The following ADPRH variants were observed in gnomAD, a reference collection of about 807,000 sequenced individuals.
ADPRH encodes the protein ADP-ribose-L-arginine cleaving enzyme.
In ADPRH, 27 loss-of-function variants were observed where a neutral mutation model predicts 28.8. That is an observed-to-expected ratio of 0.94 (90% CI 0.69 to 1.29). The LOEUF is 1.29. ADPRH is among the 50% of genes most tolerant of loss of function. ADPRH has a pLI of 0.00. For missense variants in ADPRH, 419 were observed against 444.8 expected (o/e 0.94, Z 0.52); for synonymous variants, 161 against 166.9 (o/e 0.96, Z 0.27).
At chr3:119,582,101 T>C in intron 2 of ADPRH, 33 bp from the exon 3 acceptor site, 1 of 679,894 alleles carries the variant, frequency 1.5e-6, no homozygotes, top group Non-Finnish European at 2.4e-6. Flanking sequence ...TTGCTCCTCA[T>C]CCTATTTCCT....
chr3:119,588,089 C>A lies in ADPRH; in HGVS notation c.*211C>A. 1 of 440,892 alleles carries A rather than the reference C, an allele frequency of 2.3e-6. No individual in the cohort carries two copies. Among genetic ancestry groups the A allele is most frequent in the South Asian group, 7.8e-5 (1 of 12,768 alleles). The allele number at this position is 440,892 out of a possible 1,614,324, so 27.3% of individuals were successfully genotyped here. Reference sequence around the variant, plus strand: ...TTTCTTACACTGAAGAGTCCTTTAGCTCAATTGATAGGGTCAGCGTCTCGC... The same window carrying A: ...TTTCTTACACTGAAGAGTCCTTTAGATCAATTGATAGGGTCAGCGTCTCGC... On this transcript the variant is annotated 3_prime_UTR_variant, in exon 5 of 5. Transcript: ENST00000357003.
chr3:119,587,511 T>G lies in ADPRH; in HGVS notation c.707T>G (p.Ile236Ser), dbSNP rs760484709. The G allele has an allele frequency of 1.8e-5, 29 of 1,590,034 alleles. No individual in the cohort carries two copies. The highest frequency in any genetic ancestry group is 2.4e-5 in the Non-Finnish European group (28 of 1,166,922). The change falls in exon 5 of 5, where the codon ATT (isoleucine) becomes AGT (serine). Residue 236 changes from isoleucine (I) to serine (S), a missense_variant. By Grantham distance (142) the Ile-to-Ser change is moderately radical (BLOSUM62 -2). Coordinates refer to ENST00000357003, the MANE Select transcript of ADPRH (RefSeq NM_001125.4). Reference protein sequence around the residue: ...KWENYLKLRGILDGESAPTFP... With the variant: ...KWENYLKLRGSLDGESAPTFP... ...GAAAATTACCTAAAACTTAGAGGGA[T>G]TTTGGATGGAGAATCAGCCCCTACC...
chr3:119,588,177 G>A lies in ADPRH; in HGVS notation c.*299G>A. On this transcript the variant is annotated 3_prime_UTR_variant, in exon 5 of 5. Coordinates refer to ENST00000357003, the MANE Select transcript of ADPRH (RefSeq NM_001125.4). ...TTTTCATCATCTACTTGTTCTAAAA[G>A]TTTTTTCTGTTTGTCTCAAGTTGGG... 1 of 231,026 alleles carries A rather than the reference G, an allele frequency of 4.3e-6. No homozygotes were observed. Among genetic ancestry groups the A allele is most frequent in the Non-Finnish European group, 8.3e-6 (1 of 120,870 alleles). The allele number at this position is 231,026 out of a possible 1,614,324, so 14.3% of individuals were successfully genotyped here.
chr3:119,587,773 G>A lies in ADPRH; in HGVS notation c.969G>A (p.Val323=). 6.2e-7 allele frequency: 1 copy of A among 1,614,194 alleles called. No individual in the cohort carries two copies. Among genetic ancestry groups the A allele is most frequent in the Non-Finnish European group, 8.5e-7 (1 of 1,180,020 alleles). ...WWGVMYGFKG[V]SPSNYEKLEY... ...GAGTTATGTATGGTTTTAAAGGAGTGAGTCCCTCCAACTATGAGAAACTAG... is the reference window on the plus strand; with the variant it reads ...GAGTTATGTATGGTTTTAAAGGAGTAAGTCCCTCCAACTATGAGAAACTAG... Residue 323 remains valine (V), a synonymous_variant, in exon 5 of 5, where the codon GTG becomes GTA. Transcript: ENST00000357003.
chr3:119,586,102 G>A lies in ADPRH; in HGVS notation c.299-183G>A, dbSNP rs529822471. On this transcript the variant is annotated intron_variant, in intron 3 of 4. Coordinates refer to ENST00000357003, the MANE Select transcript of ADPRH (RefSeq NM_001125.4). ...GCCTTTATTAGCGTTATCTTGCCAA[G>A]GGTTATACATAAAGAAAGGCACATT... 1.3e-3 allele frequency among the ~76,000 whole-genome samples: 198 copies of A among 152,344 alleles called. 1 individual carries two copies. Among genetic ancestry groups the A allele is most frequent in the African/African-American group, 4.5e-3 (189 of 41,578 alleles).
chr3:119,587,530 C>A lies in ADPRH; in HGVS notation c.726C>A (p.Ala242=), dbSNP rs373912285. Residue 242 remains alanine, a synonymous_variant, in exon 5 of 5, where the codon GCC becomes GCA. Coordinates refer to ENST00000357003, the MANE Select transcript of ADPRH (RefSeq NM_001125.4). ...GAGGGATTTTGGATGGAGAATCAGC[C>A]CCTACCTTCCCTGAGTCTTTCGGTG... ...KLRGILDGES[A]PTFPESFGVK... is the part of the protein sequence containing the mutation. 6 of 1,605,746 alleles carry A rather than the reference C, an allele frequency of 3.7e-6. No individual in the cohort carries two copies. In the African/African-American group the frequency reaches 6.7e-5, roughly 18 times the overall value.
chr3:119,587,524 A>G lies in ADPRH; in HGVS notation c.720A>G (p.Glu240=), dbSNP rs764381301. The change falls in exon 5 of 5, where the codon GAA becomes GAG. Residue 240 remains glutamate, a synonymous_variant. Transcript: ENST00000357003. ...YLKLRGILDG[E]SAPTFPESFG... Reference sequence around the variant, plus strand: ...AACTTAGAGGGATTTTGGATGGAGAATCAGCCCCTACCTTCCCTGAGTCTT... The same window carrying G: ...AACTTAGAGGGATTTTGGATGGAGAGTCAGCCCCTACCTTCCCTGAGTCTT... 1 of 1,599,460 alleles carries G rather than the reference A, an allele frequency of 6.3e-7. No homozygotes were observed. The highest frequency in any genetic ancestry group is 2.2e-5 in the East Asian group (1 of 44,578).
rs1162822952 is a variant in ADPRH at position 119,586,591 on chromosome 3, C to T, written c.605C>T (p.Ala202Val). 3 of 1,613,976 alleles carry T rather than the reference C, an allele frequency of 1.9e-6. No individual in the cohort carries two copies. Among genetic ancestry groups the T allele is most frequent in the Admixed American group, 3.3e-5 (2 of 59,970 alleles). Residue 202 changes from alanine to valine, a missense_variant, in exon 4 of 5, where the codon GCT becomes GTT. Transcript: ENST00000357003. ...GGACTGATGGAGCTGCTACCAGAAG[C>T]TAAAAAGTACATTGTCCAATCAGGC... ...GKGLMELLPE[A>V]KKYIVQSGYF...
chr3:119,582,852 G>A (rs1426071815), intron 3 of ADPRH, among the ~76,000 whole-genome samples: 7 of 152,204 alleles, frequency 4.6e-5, no homozygotes, highest in South Asian at 2.1e-4. Context: ...GATCAGTGGC[G>A]CATTAGATTC....
In ADPRH at chr3:119,586,653, T is replaced by C; in HGVS notation, c.659+8T>C. ...GGAAAATCTTCAACACTGGTGAGTC[T>C]GTAAGCGCACGCCCTGCTCAAACAC... On this transcript the variant is annotated splice_region_variant and intron_variant, in intron 4 of 4. Coordinates refer to ENST00000357003, the MANE Select transcript of ADPRH (RefSeq NM_001125.4). The C allele has an allele frequency of 6.2e-7, 1 of 1,612,410 alleles. No individual in the cohort carries two copies. Among genetic ancestry groups the C allele is most frequent in the South Asian group, 1.1e-5 (1 of 90,896 alleles).
chr3:119,582,165 G>T lies in ADPRH; in HGVS notation c.-5G>T. ...TCTCCAGAGCCCAGCAATTGTGAGGGACTGATGGAGAAGTATGTGGCTGCT... is the reference window on the plus strand; with the variant it reads ...TCTCCAGAGCCCAGCAATTGTGAGGTACTGATGGAGAAGTATGTGGCTGCT... On this transcript the variant is annotated 5_prime_UTR_variant, in exon 3 of 5. Coordinates refer to ENST00000357003, the MANE Select transcript of ADPRH (RefSeq NM_001125.4). 1 of 1,594,250 alleles carries T rather than the reference G, an allele frequency of 6.3e-7. No homozygotes were observed. The highest frequency in any genetic ancestry group is 8.6e-7 in the Non-Finnish European group (1 of 1,166,216).
intron 3 of ADPRH, among the ~76,000 whole-genome samples, chr3:119,583,687 G>T (rs1465371389): frequency 6.6e-6 from 1 of 152,104 alleles, no homozygotes; most frequent in Non-Finnish European, 1.5e-5. Context: ...CAAGGTGAGA[G>T]GATTGCTTGA....
chr3:119,587,277 T>A (rs2082470694), intron 4 of ADPRH, among the ~76,000 whole-genome samples, 187 bp from the exon 5 acceptor site: 1 of 152,256 alleles, frequency 6.6e-6, no homozygotes, highest in Non-Finnish European at 1.5e-5. Flanking sequence ...TAGATCCTTA[T>A]GAAAAATGTA....
rs1457302301 is a variant in ADPRH, at chr3:119,587,539, C to T, written c.735C>T (p.Phe245=). The part of the protein sequence containing the change: ...GILDGESAPT[F]PESFGVKERD... ...TGGATGGAGAATCAGCCCCTACCTT[C>T]CCTGAGTCTTTCGGTGTGAAGGAGA... Residue 245 remains phenylalanine (F), a synonymous_variant, in exon 5 of 5, where the codon TTC becomes TTT. Transcript: ENST00000357003. 2 of 1,610,416 alleles carry T rather than the reference C, an allele frequency of 1.2e-6. No homozygotes were observed. The highest frequency in any genetic ancestry group is 2.2e-5 in the East Asian group (1 of 44,802).
rs781714161 is a variant in ADPRH, at chr3:119,587,446, A to G, written c.660-18A>G. 1 of 1,486,560 alleles carries G rather than the reference A, an allele frequency of 6.7e-7. No homozygotes were observed. The highest frequency in any genetic ancestry group is 8.9e-7 in the Non-Finnish European group (1 of 1,117,868). The allele number at this position is 1,486,560 out of a possible 1,614,324, so 92.1% of individuals were successfully genotyped here. ...CTTTATTTTTTTCAATTGACTCTAGATTTTTTCCTTTCTACAGGTCCTACT... is the reference window on the plus strand; with the variant it reads ...CTTTATTTTTTTCAATTGACTCTAGGTTTTTTCCTTTCTACAGGTCCTACT... On this transcript the variant is annotated intron_variant, in intron 4 of 4. Transcript: ENST00000357003.
intron 2 of ADPRH, among the ~76,000 whole-genome samples, chr3:119,580,864 G>A (rs909799578): frequency 2.6e-5 from 4 of 152,082 alleles, no homozygotes; most frequent in African/African-American, 9.7e-5. Context: ...TTCATGGTGG[G>A]TATATTATTA....
Position 119,586,562 on chromosome 3 carries a change from A to T in ADPRH, c.576A>T (p.Gly192=). The change falls in exon 4 of 5, where the codon GGA becomes GGT. Residue 192 remains glycine, a synonymous_variant. Transcript: ENST00000357003. ...AVNSRPPLQW[G]KGLMELLPEA... is the part of the protein sequence containing the mutation. Reference sequence around the variant, plus strand: ...ATAGCAGACCACCCTTGCAGTGGGGAAAAGGACTGATGGAGCTGCTACCAG... The same window carrying T: ...ATAGCAGACCACCCTTGCAGTGGGGTAAAGGACTGATGGAGCTGCTACCAG... The T allele has an allele frequency of 6.2e-7, 1 of 1,613,918 alleles. No homozygotes were observed. Among genetic ancestry groups the T allele is most frequent in the African/African-American group, 1.3e-5 (1 of 75,032 alleles).
At position 119,587,811 on chromosome 3, in the gene ADPRH, G is replaced by A. The variant is rs528878906; in HGVS notation, c.1007G>A (p.Arg336Gln). The change falls in exon 5 of 5, where the codon CGG becomes CAG. Residue 336 changes from arginine (R) to glutamine (Q), a missense_variant. Coordinates refer to ENST00000357003, the MANE Select transcript of ADPRH (RefSeq NM_001125.4). ...SNYEKLEYRN[R>Q]LEETARALYS... is the part of the protein sequence containing the mutation. ...TATGAGAAACTAGAATACAGAAACC[G>A]GCTGGAAGAGACAGCTAGGGCTTTA... 1.8e-5 allele frequency: 29 copies of A among 1,614,014 alleles called. No homozygotes were observed. Among genetic ancestry groups the A allele is most frequent in the Admixed American group, 1.2e-4 (7 of 60,006 alleles).
In ADPRH at chr3:119,587,736, G is replaced by A; in HGVS notation, c.932G>A (p.Gly311Asp). The change falls in exon 5 of 5, where the codon GGC (glycine) becomes GAC (aspartate). Residue 311 changes from glycine to aspartate, a missense_variant. Coordinates refer to ENST00000357003, the MANE Select transcript of ADPRH (RefSeq NM_001125.4). ...GDSDSTAAIA[G>D]CWWGVMYGFK... Reference sequence around the variant, plus strand: ...AGTGATTCTACAGCTGCCATTGCTGGCTGCTGGTGGGGAGTTATGTATGGT... The same window carrying A: ...AGTGATTCTACAGCTGCCATTGCTGACTGCTGGTGGGGAGTTATGTATGGT... 1 of 1,614,206 alleles carries A rather than the reference G, an allele frequency of 6.2e-7. No individual in the cohort carries two copies. Among genetic ancestry groups the A allele is most frequent in the South Asian group, 1.1e-5 (1 of 91,082 alleles).
Sources: gnomAD v4.1 joint callset for allele counts (sites outside exome capture counted in the v4.1 genomes callset) on GRCh38, gnomAD v4.1.1 for gene constraint, MANE v1.5 for transcripts, NCBI Gene and HGNC (gene_info 2026-07-23, HGNC 2026-07-21) for gene names.